Variants in CERS5 observed in about 807,000 individuals in gnomAD.
CERS5 encodes the protein LAG1 homolog, ceramide synthase 5.
A neutral mutation model predicts 58.9 loss-of-function variants in CERS5; 37 were observed. That is an observed-to-expected ratio of 0.63 (90% CI 0.48 to 0.83). CERS5 has a LOEUF of 0.83. Ranked by LOEUF, CERS5 falls within the 40% of genes least tolerant of loss-of-function variation. The pLI is 0.00. For missense variants in CERS5, 398 were observed against 489.3 expected (o/e 0.81, Z 1.76); for synonymous variants, 147 against 177.8 (o/e 0.83, Z 1.38).
intron 1 of CERS5, among the ~76,000 whole-genome samples, chr12:50,157,547 G>A (rs1420093234): frequency 6.6e-6 from 1 of 151,968 alleles, no homozygotes; most frequent in Non-Finnish European, 1.5e-5. Flanking sequence ...AGCCCAATCT[G>A]AAGGTCATTC....
intron 9 of CERS5, chr12:50,132,998 T>C (rs915378948): frequency 1.1e-5 from 14 of 1,288,872 alleles, no homozygotes; most frequent in Non-Finnish European, 1.3e-5. Context: ...CCGCCAGGCA[T>C]AGAAAAAAGG....
chr12:50,149,013 T>C (rs1952511282), intron 1 of CERS5, among the ~76,000 whole-genome samples: 1 of 147,478 alleles, frequency 6.8e-6, no homozygotes, highest in Non-Finnish European at 1.5e-5. Context: ...GTAGAAAACA[T>C]GTACATTTTC....
At chr12:50,134,294 C>G in intron 9 of CERS5, 1 of 835,124 alleles carries the variant, frequency 1.2e-6, no homozygotes, top group Non-Finnish European at 1.7e-6. Flanking sequence ...TGGGAGAATC[C>G]AAGCCCAGGT....
intron 3 of CERS5, 97 bp from the exon 4 acceptor site, chr12:50,142,207 A>C: frequency 1.3e-6 from 1 of 768,596 alleles, no homozygotes; most frequent in Non-Finnish European, 2.2e-6. Flanking sequence ...GATAAGAGTT[A>C]CTGGTGAGAA....
At chr12:50,134,518 A>G (rs929108442) in intron 9 of CERS5, 28 bp downstream of exon 9, 11 of 1,613,964 alleles carry the variant, frequency 6.8e-6, no homozygotes, top group Admixed American at 1.7e-5. Flanking sequence ...TCCATACCCA[A>G]AAGAAAGAAG....
At position 50,132,363 on chromosome 12, in the gene CERS5, T is replaced by C. The variant is rs560720705; in HGVS notation, c.1030-1669A>G. On this transcript the variant is annotated intron_variant, in intron 9 of 9. Transcript: ENST00000317551. ...GTTGCAGTGAGCCAAGATCACGCCA[T>C]TGCACTCCAGCCTGGGCAACAAGAG... Among the ~76,000 whole-genome samples the C allele has an allele frequency of 2.3e-4, 34 of 149,560 alleles. No individual in the cohort carries two copies. In the South Asian group the frequency reaches 6.8e-3, roughly 30 times the overall value.
chr12:50,154,245 C>G, intron 1 of CERS5: 1 of 331,212 alleles, frequency 3.0e-6, no homozygotes, highest in South Asian at 2.2e-5. Context: ...CCTAGCTACT[C>G]GGGAGGCTGA....
At position 50,130,245 on chromosome 12, in the gene CERS5, C is replaced by T; in HGVS notation, c.*300G>A. 4.0e-6 allele frequency: 1 copy of T among 251,668 alleles called. No individual in the cohort carries two copies. The highest frequency in any genetic ancestry group is 7.6e-6 in the Non-Finnish European group (1 of 131,882). 15.6% of individuals were successfully genotyped at this position (251,668 alleles called of 1,614,324 possible). A position where few individuals can be genotyped will look rare whatever the true frequency, so the allele number is the denominator to read the frequency against. ...GGGTTCAGTGGGGACCAGGGAAGGC[C>T]TCATGGCCCCAGTCCACAATTGTGC... On this transcript the variant is annotated 3_prime_UTR_variant, in exon 10 of 10. Coordinates refer to ENST00000317551, the MANE Select transcript of CERS5 (RefSeq NM_147190.5).
At chr12:50,140,762 G>A (rs1951929194) in intron 4 of CERS5, among the ~76,000 whole-genome samples, 1 of 150,228 alleles carries the variant, frequency 6.7e-6, no homozygotes, top group African/African-American at 2.4e-5. Context: ...TTCTTCAGCT[G>A]TTGGTGTAGT....
chr12:50,144,277 G>A, intron 1 of CERS5: 1 of 462,702 alleles, frequency 2.2e-6, no homozygotes, highest in Non-Finnish European at 3.9e-6. Context: ...CCAAAATGCT[G>A]GGATTACAGG....
At chr12:50,165,880 A>T (rs1555200680) in intron 1 of CERS5, 1 of 448,516 alleles carries the variant, frequency 2.2e-6, no homozygotes, top group Non-Finnish European at 4.5e-6. Flanking sequence ...CTTGATCAAA[A>T]TCACCCACAG....
Position 50,130,630 on chromosome 12 carries a change from G to C in CERS5, c.1094C>G (p.Thr365Arg), listed in dbSNP as rs1393990877. ...GGAGCTACTGTCACAGGGACTTTTT[G>C]TGCAGGTGGTCACATCTTCTTCCTC... is the stretch of plus-strand genomic sequence containing the variant. ...SSEEEDVTTC[T>R]KSPCDSSSSN... The change falls in exon 10 of 10, where the codon ACA (threonine) becomes AGA (arginine). Residue 365 changes from threonine (T) to arginine (R), a missense_variant. Thr to Arg is a moderately conservative substitution (Grantham distance 71). Transcript: ENST00000317551. 6.2e-7 allele frequency: 1 copy of C among 1,612,532 alleles called. No homozygotes were observed.
chr12:50,156,091 TTC>T (rs1938572466), intron 1 of CERS5, among the ~76,000 whole-genome samples: 1 of 76,546 alleles, frequency 1.3e-5, no homozygotes, highest in African/African-American at 5.5e-5. Flanking sequence ...CAGAGCGACA[TTC>T]TGTCTCAAAA....
At chr12:50,154,506 T>C (rs896845936) in intron 1 of CERS5, among the ~76,000 whole-genome samples, 1 of 152,216 alleles carries the variant, frequency 6.6e-6, no homozygotes, top group Non-Finnish European at 1.5e-5. Flanking sequence ...ATCAAAACAA[T>C]GTATCACAAG....
rs190222329 is a variant in CERS5 at position 50,132,862 on chromosome 12, C to G, written c.1029+1684G>C. On this transcript the variant is annotated intron_variant, in intron 9 of 9. Coordinates refer to ENST00000317551, the MANE Select transcript of CERS5 (RefSeq NM_147190.5). ...GAAAAGTCAGGAGAGAGGGCATGCT[C>G]TGAGACAAACACAAGGGAACAGAAA... is the stretch of plus-strand genomic sequence containing the variant. 41 of 1,244,256 alleles carry G rather than the reference C, an allele frequency of 3.3e-5. No homozygotes were observed. The African/African-American group carries it at 6.0e-4, about 18-fold the overall frequency. 77.1% of individuals were successfully genotyped at this position (1,244,256 alleles called of 1,614,324 possible). A position where few individuals can be genotyped will look rare whatever the true frequency, so the allele number is the denominator to read the frequency against.
chr12:50,148,373 A>T (rs1473743380), intron 1 of CERS5: 4 of 183,350 alleles, frequency 2.2e-5, no homozygotes. Flanking sequence ...AGGTGGGCAG[A>T]CTGCTTGAGC....
intron 3 of CERS5, among the ~76,000 whole-genome samples, chr12:50,142,386 C>T (rs1952017598): frequency 6.6e-6 from 1 of 151,994 alleles, no homozygotes; most frequent in African/African-American, 2.4e-5. Flanking sequence ...AACCTTGTCT[C>T]TACGAATACA....
intron 1 of CERS5, among the ~76,000 whole-genome samples, chr12:50,158,426 C>T (rs886188442): frequency 1.3e-5 from 2 of 152,076 alleles, no homozygotes; most frequent in African/African-American, 2.4e-5. Context: ...TTTTTCTTGT[C>T]CAACTTCTAA....
intron 4 of CERS5, among the ~76,000 whole-genome samples, chr12:50,139,712 G>A (rs1490597557): frequency 6.6e-6 from 1 of 152,018 alleles, no homozygotes; most frequent in Non-Finnish European, 1.5e-5. Flanking sequence ...ACAATCACTT[G>A]AACCCAGGAG....
Sources: allele counts gnomAD v4.1 joint callset (sites outside exome capture counted in the v4.1 genomes callset), GRCh38; gene constraint gnomAD v4.1.1; transcripts MANE v1.5; gene names NCBI Gene and HGNC (gene_info 2026-07-23, HGNC 2026-07-21).